The following TANC1 variants were observed in gnomAD, a reference collection of about 807,000 sequenced individuals.
TANC1 encodes the protein tetratricopeptide repeat, ankyrin repeat and coiled-coil containing 1, also known as protein TANC1.
A neutral mutation model predicts 149.7 loss-of-function variants in TANC1; 77 were observed. The ratio of observed to expected loss-of-function variants is 0.51; its 90% CI spans 0.43 to 0.62. The LOEUF is 0.62. Ranked by LOEUF, TANC1 falls within the 20% of genes least tolerant of loss-of-function variation. TANC1 has a pLI of 0.00. For missense variants in TANC1, 1,985 were observed against 2,321.8 expected, an observed-to-expected ratio of 0.85 and a Z score of 2.98; for synonymous variants, 854 against 925.0, an observed-to-expected ratio of 0.92 and a Z score of 1.39.
At chr2:159,172,060 A>G in intron 10 of TANC1, 61 bp from the exon 11 acceptor site, 1 of 1,515,744 alleles carries the variant, frequency 6.6e-7, no homozygotes, top group Non-Finnish European at 9.1e-7. Flanking sequence ...CAAGAAATAT[A>G]TTCAATACCA....
At chr2:159,214,267 G>A (rs539509822) in intron 19 of TANC1, among the ~76,000 whole-genome samples, 1 of 152,216 alleles carries the variant, frequency 6.6e-6, no homozygotes, top group South Asian at 2.1e-4. Context: ...CGGAAACTTT[G>A]GCCTCTTCAT....
rs768696697 is a variant in TANC1 at position 159,136,061 on chromosome 2, C to CGTGT, written c.260-131_260-130insGTGT. On this transcript the variant is annotated intron_variant, in intron 4 of 26. Coordinates refer to ENST00000263635, the MANE Select transcript of TANC1 (RefSeq NM_033394.3). ...GTGTGTGTGTGTGTGCGCGCGCGCG[C>CGTGT]GTTTAAGGGAGGGGAAGGCACTGGC... The CGTGT allele has an allele frequency of 8.0e-4, 377 of 468,438 alleles. 15 individuals are homozygous for CGTGT. The highest frequency in any genetic ancestry group is 1.0e-3 in the Non-Finnish European group (261 of 261,962). 29.0% of individuals were successfully genotyped at this position (468,438 alleles called of 1,614,324 possible).
intron 2 of TANC1, among the ~76,000 whole-genome samples, chr2:159,016,853 T>G (rs554200503): frequency 6.6e-6 from 1 of 152,100 alleles, no homozygotes. Flanking sequence ...GGATTACAGG[T>G]GTGAGCCACT....
chr2:159,106,718 C>T (rs1004220213), intron 4 of TANC1, among the ~76,000 whole-genome samples: 1 of 152,228 alleles, frequency 6.6e-6, no homozygotes, highest in Admixed American at 6.5e-5. Flanking sequence ...ATGGTAGTTC[C>T]GTAAAACCTT....
Position 159,231,041 on chromosome 2 carries a change from T to C in TANC1, c.*29T>C, listed in dbSNP as rs1265482270. 2.0e-6 allele frequency: 3 copies of C among 1,511,448 alleles called. No individual in the cohort carries two copies. Among genetic ancestry groups the C allele is most frequent in the Non-Finnish European group, 9.0e-7 (1 of 1,112,598 alleles). The allele number at this position is 1,511,448 out of a possible 1,614,324, so 93.6% of individuals were successfully genotyped here. A position where few individuals can be genotyped will look rare whatever the true frequency, so the allele number is the denominator to read the frequency against. The stretch of plus-strand genomic sequence containing the variant: ...TTAAGAAATCCCCATTTGTGGAATT[T>C]GGAAACGTGTGTTGACTCCTGGTGG... On this transcript the variant is annotated 3_prime_UTR_variant, in exon 27 of 27. Transcript: ENST00000263635.
chr2:159,070,972 T>A (rs1454739301), intron 3 of TANC1, among the ~76,000 whole-genome samples: 1 of 152,194 alleles, frequency 6.6e-6, no homozygotes, highest in Non-Finnish European at 1.5e-5. Context: ...ATGATGTAAT[T>A]AAAGCTCACA....
At chr2:159,161,563 A>G (rs557181364) in intron 7 of TANC1, among the ~76,000 whole-genome samples, 1 of 152,376 alleles carries the variant, frequency 6.6e-6, no homozygotes, top group East Asian at 1.9e-4. Context: ...ACCACTCCTG[A>G]AAAACATTAG....
At chr2:159,111,712 T>C (rs1253390394) in intron 4 of TANC1, among the ~76,000 whole-genome samples, 1 of 152,142 alleles carries the variant, frequency 6.6e-6, no homozygotes, top group Non-Finnish European at 1.5e-5. Flanking sequence ...CCTCTTAGAG[T>C]GCACACAATG....
intron 19 of TANC1, among the ~76,000 whole-genome samples, chr2:159,209,403 CAAAG>C (rs1446143707): frequency 6.6e-6 from 1 of 152,200 alleles, no homozygotes; most frequent in Non-Finnish European, 1.5e-5. Flanking sequence ...AAATGCCTAA[CAAAG>C]AACACAGTGA....
intron 4 of TANC1, 127 bp from the exon 5 acceptor site, chr2:159,136,067 A>T (rs1553568497): frequency 3.4e-5 from 16 of 473,522 alleles, no homozygotes; most frequent in East Asian, 9.9e-5. Context: ...CGCGCGTTTA[A>T]GGGAGGGGAA....
In TANC1 at chr2:159,026,113, G is replaced by A. The variant is rs184734730; in HGVS notation, c.-16+24924G>A. 2.9e-3 allele frequency among the ~76,000 whole-genome samples: 445 copies of A among 152,200 alleles called. 5 individuals are homozygous for A. Among genetic ancestry groups the A allele is most frequent in the African/African-American group, 0.01 (422 of 41,522 alleles). Reference sequence around the variant, plus strand: ...TTCCTGGCTAATTTTTAAATTTTTTGTAGAGATAGGGTGTTGCTGTTGTTG... The same window carrying A: ...TTCCTGGCTAATTTTTAAATTTTTTATAGAGATAGGGTGTTGCTGTTGTTG... On this transcript the variant is annotated intron_variant, in intron 2 of 26. Coordinates refer to ENST00000263635, the MANE Select transcript of TANC1 (RefSeq NM_033394.3).
At chr2:159,167,585 A>G (rs899181142) in intron 8 of TANC1, among the ~76,000 whole-genome samples, 3 of 152,188 alleles carry the variant, frequency 2.0e-5, no homozygotes, top group African/African-American at 7.2e-5. Flanking sequence ...TTAAATGTGT[A>G]TACACTGTGG....
chr2:159,198,432 A>G (rs971747303), intron 18 of TANC1, among the ~76,000 whole-genome samples: 2 of 152,152 alleles, frequency 1.3e-5, no homozygotes, highest in Admixed American at 6.5e-5. Flanking sequence ...GCTCAGGTCC[A>G]GGGCACAGAT....
At position 159,172,202 on chromosome 2, in the gene TANC1, C is replaced by G; in HGVS notation, c.1433C>G (p.Thr478Arg). 1 of 1,614,214 alleles carries G rather than the reference C, an allele frequency of 6.2e-7. No individual in the cohort carries two copies. The highest frequency in any genetic ancestry group is 8.5e-7 in the Non-Finnish European group (1 of 1,180,028). Residue 478 changes from threonine to arginine, a missense_variant, in exon 11 of 27, where the codon ACA becomes AGA. Physicochemically the swap from Thr to Arg is moderately conservative, Grantham distance 71. Around this residue, in one of 3 missense-constraint regions of TANC1, gnomAD observed 557 missense variants for 612.9 expected, o/e 0.91. Transcript: ENST00000263635. ...SSTSASSTAK[T>R]PLGSISAENQ... ...ACAAGTGCTTCCAGCACAGCTAAAACACCTCTTGGGTCTATCAGTGCTGAA... is the reference window on the plus strand; with the variant it reads ...ACAAGTGCTTCCAGCACAGCTAAAAGACCTCTTGGGTCTATCAGTGCTGAA...
At position 159,046,920 on chromosome 2, in the gene TANC1, C is replaced by T. The variant is rs150483088; in HGVS notation, c.-15-18976C>T. Among the ~76,000 whole-genome samples, 525 of 152,094 alleles carry T rather than the reference C, an allele frequency of 3.5e-3. 7 individuals carry two copies. Among genetic ancestry groups the T allele is most frequent in the African/African-American group, 0.012 (482 of 41,494 alleles). On this transcript the variant is annotated intron_variant, in intron 2 of 26. Coordinates refer to ENST00000263635, the MANE Select transcript of TANC1 (RefSeq NM_033394.3). ...GTGCCCCGCCCCTTTGCACCATACT[C>T]GACTGCTTTGTTTTTGCTTCTTTAA...
chr2:159,011,722 A>G (rs2037785944), intron 2 of TANC1, among the ~76,000 whole-genome samples: 3 of 152,068 alleles, frequency 2.0e-5, no homozygotes, highest in Admixed American at 6.6e-5. Context: ...TTTTAAGATG[A>G]TAGAACTAAT....
At chr2:159,010,605 TTTA>T (rs1169242025) in intron 2 of TANC1, among the ~76,000 whole-genome samples, 20 of 152,138 alleles carry the variant, frequency 1.3e-4, no homozygotes, top group Admixed American at 1.3e-3. Context: ...TAAAGAAAGA[TTTA>T]ATACTGACAC....
rs1417287718 is a variant in TANC1 at position 159,104,434 on chromosome 2, T to C, written c.259+6600T>C. On this transcript the variant is annotated intron_variant, in intron 4 of 26. Transcript: ENST00000263635. ...ATGCATATGAAGTATGGTCTGGACA[T>C]TGGGATTTTTAAAAAGGCTTCCTCG... Among the ~76,000 whole-genome samples, 2 of 96,100 alleles carry C rather than the reference T, an allele frequency of 2.1e-5. 1 individual carries two copies. Among genetic ancestry groups the C allele is most frequent in the Non-Finnish European group, 5.8e-5 (2 of 34,410 alleles). The allele number at this position is 96,100 out of a possible 152,430, so 63.0% of individuals were successfully genotyped here. A position where few individuals can be genotyped will look rare whatever the true frequency, so the allele number is the denominator to read the frequency against.
intron 7 of TANC1, among the ~76,000 whole-genome samples, chr2:159,156,938 G>A (rs1174400339): frequency 6.6e-6 from 1 of 152,244 alleles, no homozygotes; most frequent in African/African-American, 2.4e-5. Context: ...CCTGATGAAT[G>A]TGGCTGGGAA....
Sources: gnomAD v4.1 joint callset for allele counts (sites outside exome capture counted in the v4.1 genomes callset) on GRCh38, gnomAD v4.1.1 for gene constraint, gnomAD v4.1.1 regional missense constraint, MANE v1.5 for transcripts, NCBI Gene and HGNC (gene_info 2026-07-23, HGNC 2026-07-21) for gene names.